The following CAMKMT variants were observed in gnomAD, a reference collection of about 807,000 sequenced individuals.
The protein encoded by CAMKMT is CaM KMT.
A neutral mutation model predicts 48.0 loss-of-function variants in CAMKMT; 53 were observed. That is an observed-to-expected ratio of 1.10 (90% CI 0.89 to 1.39). The LOEUF is 1.39. CAMKMT is among the 40% of genes most tolerant of loss of function. The pLI is 0.00. For synonymous variants in CAMKMT, 165 were observed against 152.3 expected (o/e 1.08, Z -0.61); for missense variants, 428 against 402.7 (o/e 1.06, Z -0.54).
chr2:44,704,260 GT>G, intron 3 of CAMKMT, 22 bp from the exon 4 acceptor site: 1 of 1,600,786 alleles, frequency 6.2e-7, no homozygotes, highest in Non-Finnish European at 8.5e-7. Flanking sequence ...TAATCAAAAG[GT>G]TTATCCTCTT....
intron 3 of CAMKMT, among the ~76,000 whole-genome samples, chr2:44,549,041 T>A (rs1330164878): frequency 1.3e-5 from 2 of 152,226 alleles, no homozygotes; most frequent in African/African-American, 4.8e-5. Context: ...ACATCTTGTT[T>A]ACATCTTGCC....
At chr2:44,599,928 G>A (rs1231490109) in intron 3 of CAMKMT, among the ~76,000 whole-genome samples, 2 of 151,724 alleles carry the variant, frequency 1.3e-5, no homozygotes, top group Admixed American at 6.6e-5. Context: ...TCTTCAAAAC[G>A]ATTTGGTACT....
chr2:44,763,959 C>A (rs1013972562), intron 9 of CAMKMT, among the ~76,000 whole-genome samples: 3 of 152,002 alleles, frequency 2.0e-5, no homozygotes, highest in Admixed American at 2.0e-4. Flanking sequence ...AAACAGCTTC[C>A]ATTATTCAAA....
At chr2:44,724,609 C>T (rs1182355443) in intron 7 of CAMKMT, among the ~76,000 whole-genome samples, 1 of 152,142 alleles carries the variant, frequency 6.6e-6, no homozygotes, top group Non-Finnish European at 1.5e-5. Context: ...GAGAGTGAAT[C>T]CATGGATAGC....
chr2:44,768,367 T>TAG (rs1680946749), intron 10 of CAMKMT, among the ~76,000 whole-genome samples: 1 of 113,318 alleles, frequency 8.8e-6, no homozygotes, highest in African/African-American at 3.5e-5. Flanking sequence ...ATATATTTTT[T>TAG]TTTTTTTTTT....
chr2:44,692,331 A>C (rs536593049), intron 3 of CAMKMT, among the ~76,000 whole-genome samples: 2 of 152,146 alleles, frequency 1.3e-5, no homozygotes, highest in Non-Finnish European at 2.9e-5. Context: ...TAATCCCCAC[A>C]GCACCCCATG....
chr2:44,494,236 A>G (rs1431448888), intron 3 of CAMKMT, among the ~76,000 whole-genome samples: 8 of 152,246 alleles, frequency 5.3e-5, no homozygotes, highest in Admixed American at 3.3e-4. Context: ...GTCAGTAGAC[A>G]TGAACGGGAG....
At position 44,564,532 on chromosome 2, in the gene CAMKMT, A is replaced by G. The variant is rs1340855916; in HGVS notation, c.377-139751A>G. 2.6e-5 allele frequency among the ~76,000 whole-genome samples: 4 copies of G among 151,830 alleles called. No homozygotes were observed. The East Asian group carries it at 5.9e-4, about 22-fold the overall frequency. On this transcript the variant is annotated intron_variant, in intron 3 of 10. Coordinates refer to ENST00000378494, the MANE Select transcript of CAMKMT (RefSeq NM_024766.5). ...ATTGCTATTATTTGCCAAGCTGATA[A>G]CACATTTTGTTTGTTTGTTTGTTTG...
chr2:44,532,809 C>A (rs920159068), intron 3 of CAMKMT, among the ~76,000 whole-genome samples: 4 of 148,894 alleles, frequency 2.7e-5, no homozygotes, highest in African/African-American at 1.0e-4. Context: ...TAACTGTATG[C>A]CATTAAAGTT....
intron 3 of CAMKMT, among the ~76,000 whole-genome samples, chr2:44,503,316 G>A (rs184002945): frequency 6.6e-6 from 1 of 152,132 alleles, no homozygotes; most frequent in Non-Finnish European, 1.5e-5. Flanking sequence ...AAGAGTGTGA[G>A]GGAAAGTAAG....
chr2:44,731,062 C>T (rs928042611), intron 7 of CAMKMT, among the ~76,000 whole-genome samples: 8 of 152,116 alleles, frequency 5.3e-5, no homozygotes, highest in African/African-American at 1.7e-4. Context: ...AAGACTCAGC[C>T]GGGCACAGTG....
chr2:44,479,835 G>T (rs698815), intron 3 of CAMKMT, among the ~76,000 whole-genome samples: 113,748 of 152,082 alleles, frequency 0.75, 43,258 homozygotes, highest in African/African-American at 0.83. Context: ...GTATTTGAAA[G>T]TGTGTCCCCA....
chr2:44,387,570 T>C (rs750082866), intron 2 of CAMKMT, among the ~76,000 whole-genome samples: 5 of 152,160 alleles, frequency 3.3e-5, no homozygotes, highest in Non-Finnish European at 7.3e-5. Flanking sequence ...GTTGCCTGAG[T>C]ACTTTGTTTT....
intron 2 of CAMKMT, among the ~76,000 whole-genome samples, chr2:44,378,682 CG>C (rs1558553987): frequency 6.6e-6 from 1 of 152,058 alleles, no homozygotes; most frequent in Non-Finnish European, 1.5e-5. Context: ...TTAGTAGAGA[CG>C]GGGTTTCACC....
intron 6 of CAMKMT, 68 bp downstream of exon 6, chr2:44,707,530 A>G: frequency 2.2e-6 from 3 of 1,364,934 alleles, no homozygotes; most frequent in South Asian, 2.5e-5. Flanking sequence ...GTAACAATTG[A>G]TATAAAGAAA....
chr2:44,681,737 C>G (rs1177130372), intron 3 of CAMKMT, among the ~76,000 whole-genome samples: 1 of 152,088 alleles, frequency 6.6e-6, no homozygotes, highest in East Asian at 1.9e-4. Context: ...AATGTTGGCC[C>G]TTTGTGCAAA....
chr2:44,610,062 C>A (rs1415628310), intron 3 of CAMKMT, among the ~76,000 whole-genome samples: 1 of 152,078 alleles, frequency 6.6e-6, no homozygotes, highest in Non-Finnish European at 1.5e-5. Flanking sequence ...ACCTCTTTTT[C>A]CCCACTAAGG....
intron 3 of CAMKMT, among the ~76,000 whole-genome samples, chr2:44,470,551 A>G (rs1668360422): frequency 6.6e-6 from 1 of 152,170 alleles, no homozygotes; most frequent in African/African-American, 2.4e-5. Flanking sequence ...ATACCTTGTT[A>G]TAGCTTTGTT....
At chr2:44,376,368 A>G (rs1481947846) in intron 2 of CAMKMT, among the ~76,000 whole-genome samples, 2 of 150,992 alleles carry the variant, frequency 1.3e-5, no homozygotes, top group Admixed American at 1.3e-4. Context: ...TTGCAGTCAG[A>G]TGAGATTGTG....
Sources: allele counts gnomAD v4.1 joint callset (sites outside exome capture counted in the v4.1 genomes callset), GRCh38; gene constraint gnomAD v4.1.1; transcripts MANE v1.5; gene names NCBI Gene and HGNC (gene_info 2026-07-23, HGNC 2026-07-21).